The following DDI2 variants were observed in gnomAD, a reference collection of about 807,000 sequenced individuals.
DDI2 encodes the protein protein DDI1 homolog 2.
A neutral mutation model predicts 48.1 loss-of-function variants in DDI2; 5 were observed. The ratio of observed to expected loss-of-function variants is 0.10; its 90% CI spans 0.05 to 0.22. DDI2 has a LOEUF of 0.22. Among genes scored for constraint, DDI2 ranks in the 10% least tolerant of loss-of-function variants. DDI2 has a pLI of 1.00. For missense variants in DDI2, 285 were observed against 506.2 expected, an observed-to-expected ratio of 0.56 and a Z score of 4.19; for synonymous variants, 205 against 183.6, an observed-to-expected ratio of 1.12 and a Z score of -0.94.
chr1:15,659,747 C>A, intron 9 of DDI2, 90 bp from the exon 10 acceptor site: 1 of 1,339,518 alleles, frequency 7.5e-7, no homozygotes, highest in Non-Finnish European at 9.9e-7. Flanking sequence ...TTATTTTATT[C>A]TACGCTGTTT....
intron 3 of DDI2, among the ~76,000 whole-genome samples, chr1:15,632,899 AT>A (rs1639866959): frequency 6.8e-6 from 1 of 147,112 alleles, no homozygotes; most frequent in Admixed American, 6.8e-5. Context: ...CTTATAAAAA[AT>A]TTTTGCAAAT....
At chr1:15,655,866 C>T (rs1640264383) in intron 8 of DDI2, among the ~76,000 whole-genome samples, 1 of 152,010 alleles carries the variant, frequency 6.6e-6, no homozygotes, top group African/African-American at 2.4e-5. Context: ...ATCAAGGCTA[C>T]AGTGAGTTGT....
chr1:15,626,929 C>A, intron 2 of DDI2, 131 bp downstream of exon 2: 2 of 1,158,976 alleles, frequency 1.7e-6, no homozygotes, highest in Non-Finnish European at 2.4e-6. Flanking sequence ...CTTTTCCCTG[C>A]CGTGTAACCT....
At position 15,617,651 on chromosome 1, in the gene DDI2, A is replaced by T; in HGVS notation, c.-20A>T. The T allele has an allele frequency of 7.1e-7, 1 of 1,412,460 alleles. No homozygotes were observed. Among genetic ancestry groups the T allele is most frequent in the South Asian group, 1.6e-5 (1 of 63,694 alleles). 87.5% of individuals were successfully genotyped at this position (1,412,460 alleles called of 1,614,324 possible). A position where few individuals can be genotyped will look rare whatever the true frequency, so the allele number is the denominator to read the frequency against. On this transcript the variant is annotated 5_prime_UTR_variant, in exon 1 of 10. Coordinates refer to ENST00000480945, the MANE Select transcript of DDI2 (RefSeq NM_032341.5). ...GCCCAGGCCGGGCCGAGCCGAGCCG[A>T]GCCGGGTCGGGCCCGGGCCATGCTG...
At chr1:15,632,361 A>G (rs1570971929) in intron 3 of DDI2, among the ~76,000 whole-genome samples, 1 of 151,838 alleles carries the variant, frequency 6.6e-6, no homozygotes. Flanking sequence ...GGTGAAACCC[A>G]GTCTCTACTA....
At chr1:15,637,274 TTGAAACTCCTGAGC>T (rs1260662952) in intron 4 of DDI2, among the ~76,000 whole-genome samples, 1 of 151,860 alleles carries the variant, frequency 6.6e-6, no homozygotes, top group African/African-American at 2.4e-5. Context: ...CCGGGCTGGT[TTGAAACTCCTGAGC>T]TCAAACTCCT....
chr1:15,617,907 G>T (rs114986778), intron 1 of DDI2, 99 bp downstream of exon 1: 1 of 1,378,672 alleles, frequency 7.3e-7, no homozygotes, highest in Non-Finnish European at 9.5e-7. Context: ...TTGGGGGCTG[G>T]GGGGAGCAAG....
In DDI2 at chr1:15,632,297, C is replaced by T. The variant is rs866793155; in HGVS notation, c.506-1142C>T. Among the ~76,000 whole-genome samples the T allele has an allele frequency of 1.6e-4, 24 of 152,008 alleles. 1 individual carries two copies. Among genetic ancestry groups the T allele is most frequent in the Admixed American group, 8.5e-4 (13 of 15,270 alleles). On this transcript the variant is annotated intron_variant, in intron 3 of 9. Coordinates refer to ENST00000480945, the MANE Select transcript of DDI2 (RefSeq NM_032341.5). ...ACCATTTAAGAAATTGCAAAATAGG[C>T]CGGGCACGGTGGATCACCTGAGGTC... is the stretch of plus-strand genomic sequence containing the variant.
rs760434142 is a variant in DDI2, at chr1:15,617,630, A to G, written c.-41A>G. The G allele has an allele frequency of 1.4e-5, 19 of 1,322,496 alleles. No individual in the cohort carries two copies. The highest frequency in any genetic ancestry group is 1.3e-4 in the South Asian group (6 of 47,500). 81.9% of individuals were successfully genotyped at this position (1,322,496 alleles called of 1,614,324 possible). On this transcript the variant is annotated 5_prime_UTR_variant, in exon 1 of 10. Transcript: ENST00000480945. ...GCCTCTTCCCCTGCGCCCCGCGCCCAGGCCGGGCCGAGCCGAGCCGAGCCG... is the reference window on the plus strand; with the variant it reads ...GCCTCTTCCCCTGCGCCCCGCGCCCGGGCCGGGCCGAGCCGAGCCGAGCCG...
Position 15,661,149 on chromosome 1 carries a change from A to G in DDI2, c.*1359A>G. ...CCATATCTGTATCAGTGGAGACAGA[A>G]AAATTAACAGGTACTTCATCTGACA... On this transcript the variant is annotated 3_prime_UTR_variant, in exon 10 of 10. Transcript: ENST00000480945. 2 of 1,614,124 alleles carry G rather than the reference A, an allele frequency of 1.2e-6. No homozygotes were observed.
chr1:15,644,084 TCTTA>T (rs1640049380), intron 6 of DDI2, among the ~76,000 whole-genome samples: 1 of 152,236 alleles, frequency 6.6e-6, no homozygotes, highest in Admixed American at 6.5e-5. Context: ...GTCCTGTTTT[TCTTA>T]CTTGGTTTCT....
At chr1:15,633,366 T>A in intron 3 of DDI2, 73 bp from the exon 4 acceptor site, 1 of 1,540,882 alleles carries the variant, frequency 6.5e-7, no homozygotes, top group Non-Finnish European at 8.8e-7. Context: ...TGATAAATTG[T>A]TTGGTGTGGA....
At chr1:15,656,790 G>C in intron 9 of DDI2, 111 bp downstream of exon 9, 1 of 1,480,044 alleles carries the variant, frequency 6.8e-7, no homozygotes, top group Non-Finnish European at 9.2e-7. Context: ...ATTTCACCTT[G>C]TTCAATCTGG....
intron 3 of DDI2, among the ~76,000 whole-genome samples, chr1:15,632,118 C>CA (rs1639855771): frequency 6.6e-6 from 1 of 152,122 alleles, no homozygotes; most frequent in Non-Finnish European, 1.5e-5. Context: ...TTAGGCTTTT[C>CA]ACTCAACTTA....
At chr1:15,631,365 C>G (rs1267191546) in intron 3 of DDI2, among the ~76,000 whole-genome samples, 1 of 152,234 alleles carries the variant, frequency 6.6e-6, no homozygotes, top group African/African-American at 2.4e-5. Flanking sequence ...GTCTGCCTGC[C>G]TTGGCCTCCC....
intron 1 of DDI2, among the ~76,000 whole-genome samples, chr1:15,620,459 A>G (rs988275540): frequency 1.3e-5 from 2 of 151,862 alleles, no homozygotes; most frequent in East Asian, 1.9e-4. Flanking sequence ...GTTCTCTCAT[A>G]TTACTCATCT....
intron 2 of DDI2, among the ~76,000 whole-genome samples, chr1:15,627,271 A>G (rs1448047370): frequency 2.0e-5 from 3 of 152,172 alleles, no homozygotes; most frequent in Admixed American, 6.5e-5. Context: ...GGATTTACAT[A>G]CTAATTTGCA....
chr1:15,642,297 G>A (rs1362918257), intron 5 of DDI2, among the ~76,000 whole-genome samples: 2 of 152,178 alleles, frequency 1.3e-5, no homozygotes, highest in East Asian at 1.9e-4. Context: ...GTTTCTGGGA[G>A]AGAAAATAAC....
At chr1:15,644,492 C>T (rs1640055262) in intron 6 of DDI2, among the ~76,000 whole-genome samples, 1 of 151,930 alleles carries the variant, frequency 6.6e-6, no homozygotes, top group South Asian at 2.1e-4. Flanking sequence ...TGCCCCTTAA[C>T]CTTTTCACTG....
Sources: allele counts gnomAD v4.1 joint callset (sites outside exome capture counted in the v4.1 genomes callset), GRCh38; gene constraint gnomAD v4.1.1; transcripts MANE v1.5; gene names NCBI Gene and HGNC (gene_info 2026-07-23, HGNC 2026-07-21).